The following SCTR variants were observed in gnomAD, a reference collection of about 807,000 sequenced individuals.
SCTR encodes the protein pancreatic secretin receptor.
In SCTR, 56 loss-of-function variants were observed where a neutral mutation model predicts 60.8. The observed-to-expected ratio is 0.92, with a 90% CI of 0.74 to 1.15. The LOEUF is 1.15. Among genes scored for constraint, SCTR ranks in the 50% most tolerant of loss-of-function variants. SCTR has a pLI of 0.00. For missense variants in SCTR, 562 were observed against 550.4 expected (o/e 1.02, Z -0.21); for synonymous variants, 202 against 217.0 (o/e 0.93, Z 0.61).
At chr2:119,499,755 A>G (rs1422359428) in intron 1 of SCTR, among the ~76,000 whole-genome samples, 2 of 152,208 alleles carry the variant, frequency 1.3e-5, no homozygotes, top group East Asian at 3.9e-4. Context: ...CTCTCAGAAA[A>G]ATAGGAACAG....
At chr2:119,465,709 T>G in intron 5 of SCTR, 80 bp downstream of exon 5, 2 of 930,982 alleles carry the variant, frequency 2.1e-6, no homozygotes, top group Non-Finnish European at 3.5e-6. Context: ...TTCCTCTTTC[T>G]GTCCTGGGTG....
rs1162566019 is a variant in SCTR at position 119,464,125 on chromosome 2, T to C, written c.634A>G (p.Arg212Gly). The C allele has an allele frequency of 1.9e-6, 3 of 1,614,090 alleles. No homozygotes were observed. The highest frequency in any genetic ancestry group is 2.2e-5 in the South Asian group (2 of 91,082). The change falls in exon 6 of 13, where the codon AGG becomes GGG. Residue 212 changes from arginine (R) to glycine (G), a missense_variant and splice_region_variant. Physicochemically the swap from Arg to Gly is moderately radical, Grantham distance 125. Transcript: ENST00000019103. ...CCTGGGGCACCCAGACATATTACCC[T>C]GTGGGCATCGCAGTAGGTGACATCA... Reference protein sequence around the residue: ...SDDVTYCDAHRAGCKLVMVLF... With the variant: ...SDDVTYCDAHGAGCKLVMVLF...
intron 1 of SCTR, among the ~76,000 whole-genome samples, chr2:119,498,742 C>T (rs1019598612): frequency 1.3e-5 from 2 of 151,940 alleles, no homozygotes; most frequent in African/African-American, 2.4e-5. Context: ...CTCAAAAGCA[C>T]TGTAGATAAA....
intron 1 of SCTR, among the ~76,000 whole-genome samples, chr2:119,504,205 T>C (rs1678653856): frequency 6.6e-6 from 1 of 152,168 alleles, no homozygotes; most frequent in African/African-American, 2.4e-5. Context: ...CGAACATCTG[T>C]AGACAATAAA....
In SCTR at chr2:119,474,257, CG is replaced by C. The variant is rs368735316; in HGVS notation, c.302-702del. Among the ~76,000 whole-genome samples the C allele has an allele frequency of 1.8e-4, 28 of 152,302 alleles. 1 individual carries two copies. The highest frequency in any genetic ancestry group is 1.7e-3 in the East Asian group (9 of 5,164). ...GCCCAGAGCCTCTGCTTATCAAACG[CG>C]GGCTGGCTGGCTGGACAGAAAGGCA... On this transcript the variant is annotated intron_variant, in intron 3 of 12. Coordinates refer to ENST00000019103, the MANE Select transcript of SCTR (RefSeq NM_002980.3).
intron 7 of SCTR, among the ~76,000 whole-genome samples, chr2:119,460,436 G>GTGGATGGA (rs111277760): frequency 2.0e-3 from 293 of 149,470 alleles, no homozygotes; most frequent in South Asian, 3.9e-3. Flanking sequence ...GGGTGGGTGG[G>GTGGATGGA]TGGATGGATG....
chr2:119,496,505 G>A (rs573947331), intron 1 of SCTR, among the ~76,000 whole-genome samples: 44 of 152,190 alleles, frequency 2.9e-4, no homozygotes, highest in Admixed American at 1.4e-3. Context: ...TCCCTATTAC[G>A]TCTACTAAGT....
intron 4 of SCTR, among the ~76,000 whole-genome samples, chr2:119,471,747 G>A (rs982945808): frequency 7.9e-5 from 12 of 152,140 alleles, no homozygotes; most frequent in Admixed American, 6.5e-5. Flanking sequence ...CTCCCTGGGC[G>A]GGGCACACAT....
At chr2:119,449,433 T>A (rs1224861106) in intron 9 of SCTR, among the ~76,000 whole-genome samples, 10 of 152,188 alleles carry the variant, frequency 6.6e-5, no homozygotes, top group African/African-American at 2.4e-4. Flanking sequence ...TCTTGCGAAC[T>A]ATGATTGGAA....
At chr2:119,490,434 T>G (rs1344788833) in intron 2 of SCTR, among the ~76,000 whole-genome samples, 1 of 152,228 alleles carries the variant, frequency 6.6e-6, no homozygotes, top group Non-Finnish European at 1.5e-5. Flanking sequence ...TCCTGCACTC[T>G]CCTGGTGCAA....
intron 1 of SCTR, among the ~76,000 whole-genome samples, chr2:119,523,323 G>A (rs1021109816): frequency 1.1e-4 from 17 of 151,712 alleles, no homozygotes; most frequent in African/African-American, 3.9e-4. Context: ...CAGAGATCCC[G>A]GAGCTCAGAG....
Position 119,494,466 on chromosome 2 carries a change from T to C in SCTR, c.155A>G (p.Glu52Gly). 6.2e-6 allele frequency: 10 copies of C among 1,613,954 alleles called. No homozygotes were observed. The highest frequency in any genetic ancestry group is 8.5e-6 in the Non-Finnish European group (10 of 1,179,888). Residue 52 changes from glutamate to glycine, a missense_variant, in exon 2 of 13, where the codon GAG becomes GGG. By Grantham distance (98) the Glu-to-Gly change is moderately conservative. Coordinates refer to ENST00000019103, the MANE Select transcript of SCTR (RefSeq NM_002980.3). ...QDQCLQELSR[E>G]QTGDLGTEQP... ...CTCCGTGCCCAGGTCTCCTGTCTGC[T>C]CTCTGGAGAGTTCCTGCAGGCACTG...
intron 1 of SCTR, among the ~76,000 whole-genome samples, chr2:119,512,641 C>A (rs1443678701): frequency 6.6e-6 from 1 of 152,190 alleles, no homozygotes; most frequent in Non-Finnish European, 1.5e-5. Flanking sequence ...AGGTGATCAA[C>A]CCTCCTCAGC....
intron 11 of SCTR, among the ~76,000 whole-genome samples, chr2:119,445,255 T>C (rs1198389842): frequency 4.6e-5 from 7 of 152,088 alleles, no homozygotes; most frequent in Non-Finnish European, 7.4e-5. Flanking sequence ...TCAAATCCTC[T>C]ACCTGCTAGA....
chr2:119,461,951 T>C lies in SCTR; in HGVS notation c.686A>G (p.Asn229Ser). The C allele has an allele frequency of 1.9e-6, 3 of 1,613,976 alleles. No homozygotes were observed. The highest frequency in any genetic ancestry group is 1.1e-5 in the South Asian group (1 of 91,030). Reference protein sequence around the residue: ...MVLFQYCIMANYSWLLVEGLY... With the variant: ...MVLFQYCIMASYSWLLVEGLY... ...GCCTTCCACCAGCAGCCAGGAGTAG[T>C]TGGCCATGATGCAGTACTGGAACAG... The change falls in exon 7 of 13, where the codon AAC (asparagine) becomes AGC (serine). Residue 229 changes from asparagine to serine, a missense_variant. Physicochemically the swap from Asn to Ser is conservative, Grantham distance 46 (BLOSUM62 1). Coordinates refer to ENST00000019103, the MANE Select transcript of SCTR (RefSeq NM_002980.3).
chr2:119,494,013 AGT>A (rs1186200388), intron 2 of SCTR, among the ~76,000 whole-genome samples: 2 of 152,146 alleles, frequency 1.3e-5, no homozygotes, highest in Non-Finnish European at 2.9e-5. Flanking sequence ...ACAGCCGGTG[AGT>A]GTCACCTAGC....
chr2:119,511,665 C>A (rs1678952381), intron 1 of SCTR, among the ~76,000 whole-genome samples: 1 of 152,142 alleles, frequency 6.6e-6, no homozygotes, highest in South Asian at 2.1e-4. Context: ...TGCTATCTGG[C>A]TGTGGTTTGG....
chr2:119,506,970 G>A (rs1294753873), intron 1 of SCTR, among the ~76,000 whole-genome samples: 2 of 152,142 alleles, frequency 1.3e-5, no homozygotes, highest in Non-Finnish European at 2.9e-5. Context: ...ATCTTGTACT[G>A]TCTATATATA....
At chr2:119,500,155 T>A (rs1005319086) in intron 1 of SCTR, among the ~76,000 whole-genome samples, 2 of 151,928 alleles carry the variant, frequency 1.3e-5, no homozygotes, top group Non-Finnish European at 2.9e-5. Context: ...AGACAGTATT[T>A]CACCCCAGTT....
Sources: gnomAD v4.1 joint callset for allele counts (sites outside exome capture counted in the v4.1 genomes callset) on GRCh38, gnomAD v4.1.1 for gene constraint, MANE v1.5 for transcripts, NCBI Gene and HGNC (gene_info 2026-07-23, HGNC 2026-07-21) for gene names.